PRKN: variants seen among roughly 807,000 people sequenced by gnomAD.
The protein encoded by PRKN is parkin RBR E3 ubiquitin protein ligase, also known as E3 ubiquitin-protein ligase parkin.
PRKN carries 56 observed loss-of-function variants against 59.5 expected under a neutral mutation model. The ratio of observed to expected loss-of-function variants is 0.94; its 90% CI spans 0.76 to 1.18. The LOEUF (loss-of-function observed/expected upper bound fraction) is 1.18, where lower values mean the gene tolerates loss of function less well. Among genes scored for constraint, PRKN ranks in the 50% most tolerant of loss-of-function variants. The pLI is 0.00. For missense variants in PRKN, 657 were observed against 596.4 expected (o/e 1.10, Z -1.06); for synonymous variants, 250 against 222.1 (o/e 1.13, Z -1.12).
At position 162,214,950 on chromosome 6, in the gene PRKN, A is replaced by T. The variant is rs1213225054; in HGVS notation, c.413-13698T>A. Among the ~76,000 whole-genome samples, 4 of 152,226 alleles carry T rather than the reference A, an allele frequency of 2.6e-5. 1 individual carries two copies. In the South Asian group the frequency reaches 8.3e-4, roughly 32 times the overall value. Reference sequence around the variant, plus strand: ...GGAGTTGTCTCTCAATAAGTAAGCAATAAATATTCACCTTTCTTCCTCATC... The same window carrying T: ...GGAGTTGTCTCTCAATAAGTAAGCATTAAATATTCACCTTTCTTCCTCATC... On this transcript the variant is annotated intron_variant, in intron 3 of 11. Coordinates refer to ENST00000366898, the MANE Select transcript of PRKN (RefSeq NM_004562.3).
At chr6:161,500,127 T>G (rs1393922638) in intron 9 of PRKN, among the ~76,000 whole-genome samples, 1 of 152,124 alleles carries the variant, frequency 6.6e-6, no homozygotes. Context: ...TGTCAAAACT[T>G]TTAGAATTTT....
At chr6:162,704,913 C>A (rs1778285034) in intron 1 of PRKN, among the ~76,000 whole-genome samples, 2 of 151,946 alleles carry the variant, frequency 1.3e-5, no homozygotes, top group African/African-American at 2.4e-5. Context: ...TAAACTAAGT[C>A]AAATAATTTT....
intron 2 of PRKN, among the ~76,000 whole-genome samples, chr6:162,302,964 A>ACACACG (rs2080651141): frequency 3.1e-4 from 1 of 3,270 alleles, no homozygotes; most frequent in Admixed American, 0.014. Context: ...CCTTAAACAT[A>ACACACG]CACACACACA....
chr6:162,352,898 T>A (rs745636405), intron 2 of PRKN, among the ~76,000 whole-genome samples: 3 of 152,156 alleles, frequency 2.0e-5, no homozygotes, highest in Non-Finnish European at 4.4e-5. Flanking sequence ...AAACTTTAAG[T>A]AGATAAGATG....
chr6:161,947,735 T>A (rs1170223232), intron 6 of PRKN, among the ~76,000 whole-genome samples: 2 of 152,240 alleles, frequency 1.3e-5, no homozygotes, highest in African/African-American at 4.8e-5. Context: ...AAAGATGATT[T>A]AATGTAGAAT....
chr6:161,733,603 G>A (rs1033079479), intron 7 of PRKN, among the ~76,000 whole-genome samples: 13 of 151,632 alleles, frequency 8.6e-5, no homozygotes, highest in Admixed American at 2.6e-4. Flanking sequence ...CAGAATATAA[G>A]ACTCGAGGTA....
At chr6:161,813,853 G>A (rs1221984787) in intron 6 of PRKN, among the ~76,000 whole-genome samples, 1 of 152,232 alleles carries the variant, frequency 6.6e-6, no homozygotes, top group East Asian at 1.9e-4. Context: ...TGCTGATGGA[G>A]CTGGCAGTTT....
At chr6:161,609,075 G>A (rs898007048) in intron 7 of PRKN, among the ~76,000 whole-genome samples, 3 of 152,168 alleles carry the variant, frequency 2.0e-5, no homozygotes, top group Non-Finnish European at 2.9e-5. Flanking sequence ...ACTCTTGCTT[G>A]TTGAGAGCAT....
At chr6:162,182,246 G>A (rs955674097) in intron 4 of PRKN, among the ~76,000 whole-genome samples, 3 of 152,078 alleles carry the variant, frequency 2.0e-5, no homozygotes, top group Non-Finnish European at 4.4e-5. Context: ...GATGTTGCCT[G>A]GAGATCAAAC....
At chr6:161,886,471 C>T (rs532776912) in intron 6 of PRKN, among the ~76,000 whole-genome samples, 4 of 152,012 alleles carry the variant, frequency 2.6e-5, no homozygotes, top group African/African-American at 9.7e-5. Context: ...CCGAGGCGGG[C>T]GGATCATCTG....
At chr6:162,351,785 G>GA (rs756479683) in intron 2 of PRKN, among the ~76,000 whole-genome samples, 2 of 152,112 alleles carry the variant, frequency 1.3e-5, no homozygotes, top group Non-Finnish European at 2.9e-5. Flanking sequence ...TGTAATGGAT[G>GA]AAAGAATCCA....
At chr6:161,367,765 G>C (rs909842324) in intron 10 of PRKN, among the ~76,000 whole-genome samples, 1 of 152,190 alleles carries the variant, frequency 6.6e-6, no homozygotes, top group Non-Finnish European at 1.5e-5. Flanking sequence ...GCCCAGGAGG[G>C]GAAGGCTTTG....
At chr6:162,279,827 A>C (rs775598135) in intron 2 of PRKN, among the ~76,000 whole-genome samples, 1 of 152,128 alleles carries the variant, frequency 6.6e-6, no homozygotes. Flanking sequence ...GTAGGCCTCT[A>C]AGAAGTTGTT....
chr6:162,472,484 TTTATTTTA>T lies in PRKN; in HGVS notation c.8-29019_8-29012del, dbSNP rs1791804911. On this transcript the variant is annotated intron_variant, in intron 1 of 11. Coordinates refer to ENST00000366898, the MANE Select transcript of PRKN (RefSeq NM_004562.3). ...TTTATTTTATTTTATTTTATTTTAT[TTTATTTTA>T]TTTTTTGAGACGGAGTCTCGCTCTG... 3.1e-5 allele frequency among the ~76,000 whole-genome samples: 4 copies of T among 129,744 alleles called. No individual in the cohort carries two copies. The South Asian group carries it at 7.9e-4, about 25-fold the overall frequency. 85.1% of individuals were successfully genotyped at this position (129,744 alleles called of 152,430 possible).
At chr6:162,037,571 G>A (rs1475053943) in intron 5 of PRKN, among the ~76,000 whole-genome samples, 4 of 150,040 alleles carry the variant, frequency 2.7e-5, no homozygotes, top group South Asian at 4.2e-4. Context: ...GTTTTGAGAC[G>A]GAGTCTTGCT....
intron 9 of PRKN, among the ~76,000 whole-genome samples, chr6:161,416,149 AT>A (rs1275670106): frequency 2.0e-5 from 3 of 152,050 alleles, no homozygotes; most frequent in Non-Finnish European, 4.4e-5. Context: ...CCACTTTACA[AT>A]CACATTTTAC....
At chr6:162,224,764 G>A (rs1250976986) in intron 3 of PRKN, among the ~76,000 whole-genome samples, 2 of 152,176 alleles carry the variant, frequency 1.3e-5, no homozygotes, top group African/African-American at 2.4e-5. Context: ...AGTATTATAC[G>A]CCCTAGGGAG....
intron 1 of PRKN, among the ~76,000 whole-genome samples, chr6:162,683,576 G>A (rs796630591): frequency 1.3e-5 from 2 of 152,180 alleles, no homozygotes; most frequent in African/African-American, 4.8e-5. Context: ...TAGGTTTTTG[G>A]TTAGTTTCCT....
chr6:161,977,696 C>T (rs532727913), intron 5 of PRKN, among the ~76,000 whole-genome samples: 6 of 151,536 alleles, frequency 4.0e-5, no homozygotes, highest in South Asian at 4.2e-4. Context: ...ACAAGGCGCC[C>T]GCCACCACGC....
Sources: allele counts gnomAD v4.1 joint callset (sites outside exome capture counted in the v4.1 genomes callset), GRCh38; gene constraint gnomAD v4.1.1; transcripts MANE v1.5; gene names NCBI Gene and HGNC (gene_info 2026-07-23, HGNC 2026-07-21).